TENM4: variants seen among roughly 807,000 people sequenced by gnomAD.
TENM4 encodes teneurin-4.
Under a neutral mutation model 243.3 loss-of-function variants are expected in TENM4, and 82 were observed. That is an observed-to-expected ratio of 0.34 (90% CI 0.28 to 0.40). TENM4 has a LOEUF of 0.40. TENM4 is among the 10% of genes least tolerant of loss of function. The pLI is 1.00. For missense variants in TENM4, 3,138 were observed against 3,673.3 expected, an observed-to-expected ratio of 0.85 and a Z score of 3.77; for synonymous variants, 1,412 against 1,456.3, an observed-to-expected ratio of 0.97 and a Z score of 0.69.
chr11:78,915,235 G>C (rs1253800454), intron 6 of TENM4, among the ~76,000 whole-genome samples: 3 of 152,158 alleles, frequency 2.0e-5, no homozygotes, highest in Admixed American at 6.5e-5. Context: ...ACTCAGATTA[G>C]AAGTTTCCTC....
intron 19 of TENM4, among the ~76,000 whole-genome samples, chr11:78,752,301 G>C (rs1856208499): frequency 6.6e-6 from 1 of 152,218 alleles, no homozygotes; most frequent in Admixed American, 6.5e-5. Context: ...CTTGGGGAGA[G>C]CCCTGGGTGC....
intron 1 of TENM4, among the ~76,000 whole-genome samples, chr11:79,304,986 C>A (rs144167564): frequency 2.6e-5 from 4 of 152,308 alleles, no homozygotes; most frequent in Non-Finnish European, 4.4e-5. Flanking sequence ...TGTGAGAAAG[C>A]CTTTTTAATA....
At chr11:79,209,282 T>G (rs77819935) in intron 3 of TENM4, among the ~76,000 whole-genome samples, 4,782 of 152,296 alleles carry the variant, frequency 0.031, 139 homozygotes, top group East Asian at 0.15. Flanking sequence ...GAGTTCACTC[T>G]GCTAACCCCA....
chr11:78,664,735 A>G (rs949562066), intron 32 of TENM4, among the ~76,000 whole-genome samples: 1 of 152,192 alleles, frequency 6.6e-6, no homozygotes, highest in African/African-American at 2.4e-5. Context: ...TCTTTGGGAA[A>G]TTAAAACAAA....
intron 6 of TENM4, among the ~76,000 whole-genome samples, chr11:78,934,259 C>G (rs892851551): frequency 1.3e-5 from 2 of 152,104 alleles, no homozygotes; most frequent in African/African-American, 2.4e-5. Flanking sequence ...CCTAGAGAAT[C>G]AGAGAGGCAA....
intron 1 of TENM4, among the ~76,000 whole-genome samples, chr11:79,381,867 C>T (rs1348776358): frequency 6.6e-6 from 1 of 151,932 alleles, no homozygotes; most frequent in Admixed American, 6.6e-5. Context: ...GGACCAAGGC[C>T]GTCCTGTTCC....
chr11:79,335,371 C>T (rs1223990275), intron 1 of TENM4, among the ~76,000 whole-genome samples: 3 of 152,220 alleles, frequency 2.0e-5, no homozygotes, highest in African/African-American at 4.8e-5. Context: ...CATCCTGCTA[C>T]GTCACTTGGC....
chr11:78,884,350 A>C (rs1422316404), intron 9 of TENM4, among the ~76,000 whole-genome samples: 1 of 152,210 alleles, frequency 6.6e-6, no homozygotes, highest in Non-Finnish European at 1.5e-5. Context: ...AGGAAAGTGA[A>C]AACCAAGGTT....
Position 79,220,182 on chromosome 11 carries a change from T to G in TENM4, c.-264-4273A>C, listed in dbSNP as rs1177771831. Among the ~76,000 whole-genome samples the G allele has an allele frequency of 2.6e-5, 4 of 152,228 alleles. No individual in the cohort carries two copies. The East Asian group carries it at 7.7e-4, about 29-fold the overall frequency. ...AGAGGGCTCCTAATGCACTCAGAAC[T>G]GTATCATCGCACCTGCAGCCTGGAG... On this transcript the variant is annotated intron_variant, in intron 2 of 33. Coordinates refer to ENST00000278550, the MANE Select transcript of TENM4 (RefSeq NM_001098816.3).
chr11:78,952,772 T>C (rs1353930056), intron 6 of TENM4, among the ~76,000 whole-genome samples: 1 of 152,208 alleles, frequency 6.6e-6, no homozygotes, highest in Non-Finnish European at 1.5e-5. Context: ...TGTTTTCCTG[T>C]TTCTCCTTTA....
chr11:79,286,456 C>T (rs375792451), intron 2 of TENM4, among the ~76,000 whole-genome samples: 17 of 149,106 alleles, frequency 1.1e-4, no homozygotes, highest in East Asian at 9.9e-4. Context: ...AGTTTGAGAC[C>T]AGCCTGGCCA....
intron 4 of TENM4, among the ~76,000 whole-genome samples, chr11:79,083,540 A>T (rs1318482509): frequency 6.6e-6 from 1 of 152,192 alleles, no homozygotes; most frequent in Non-Finnish European, 1.5e-5. Context: ...GTCCACGTGG[A>T]TAGCAGCCAG....
At chr11:79,326,055 G>C (rs1398381718) in intron 1 of TENM4, among the ~76,000 whole-genome samples, 1 of 152,212 alleles carries the variant, frequency 6.6e-6, no homozygotes, top group Non-Finnish European at 1.5e-5. Flanking sequence ...CACCCCCAGA[G>C]AGCAAACGTG....
intron 1 of TENM4, among the ~76,000 whole-genome samples, chr11:79,355,837 C>A (rs1199775296): frequency 6.6e-6 from 1 of 152,168 alleles, no homozygotes; most frequent in Non-Finnish European, 1.5e-5. Flanking sequence ...CACACTGACA[C>A]ATGAGACCAC....
intron 3 of TENM4, among the ~76,000 whole-genome samples, chr11:79,175,161 T>G (rs964878194): frequency 6.6e-6 from 1 of 152,200 alleles, no homozygotes; most frequent in African/African-American, 2.4e-5. Context: ...CTAGTACAGG[T>G]TTTTTAGAGG....
In TENM4 at chr11:78,658,834, TGAGA is replaced by T; in HGVS notation, c.7552-22_7552-19del. On this transcript the variant is annotated intron_variant, in intron 33 of 33. Coordinates refer to ENST00000278550, the MANE Select transcript of TENM4 (RefSeq NM_001098816.3). ...AGGATAGACTGATGGGGGAGGAGAGTGAGAGAGAGAGTAAGACAAAGGGGAAAAA... is the reference window on the plus strand; with the variant it reads ...AGGATAGACTGATGGGGGAGGAGAGTGAGAGAGTAAGACAAAGGGGAAAAA... 1 of 1,597,554 alleles carries T rather than the reference TGAGA, an allele frequency of 6.3e-7. No homozygotes were observed. The highest frequency in any genetic ancestry group is 1.3e-5 in the African/African-American group (1 of 74,114).
At chr11:79,289,961 T>G (rs1856325897) in intron 2 of TENM4, among the ~76,000 whole-genome samples, 1 of 145,352 alleles carries the variant, frequency 6.9e-6, no homozygotes, top group African/African-American at 2.7e-5. Flanking sequence ...TTCTTTTTCT[T>G]TTTCTTTTTT....
intron 12 of TENM4, among the ~76,000 whole-genome samples, chr11:78,841,071 G>A (rs1195152257): frequency 1.3e-5 from 2 of 152,042 alleles, no homozygotes; most frequent in African/African-American, 2.4e-5. Context: ...TAACAATAGC[G>A]AACACTTATA....
Position 78,735,917 on chromosome 11 carries a change from T to TC in TENM4, c.2876+2533_2876+2534insG, listed in dbSNP as rs1193838740. On this transcript the variant is annotated intron_variant, in intron 20 of 33. Transcript: ENST00000278550. The stretch of plus-strand genomic sequence containing the variant: ...CCCTTTCCTTTCCCCTTTTCTCCCT[T>TC]TCTCTCTTTTCTCTTTCTTTCTTTC... Among the ~76,000 whole-genome samples the TC allele has an allele frequency of 8.1e-5, 12 of 147,304 alleles. No individual in the cohort carries two copies. In the South Asian group the frequency reaches 9.2e-4, roughly 11 times the overall value.
Sources: gnomAD v4.1 joint callset for allele counts (sites outside exome capture counted in the v4.1 genomes callset) on GRCh38, gnomAD v4.1.1 for gene constraint, MANE v1.5 for transcripts, NCBI Gene and HGNC (gene_info 2026-07-23, HGNC 2026-07-21) for gene names.